Variants in RBFOX1 observed in about 807,000 individuals in gnomAD.
The protein encoded by RBFOX1 is RNA binding fox-1 homolog 1.
Under a neutral mutation model 57.7 loss-of-function variants are expected in RBFOX1, and 8 were observed. That is an observed-to-expected ratio of 0.14 (90% CI 0.08 to 0.25). The LOEUF is 0.25. Ranked by LOEUF, RBFOX1 falls within the 10% of genes least tolerant of loss-of-function variation. The pLI, the probability that RBFOX1 is intolerant of heterozygous loss-of-function variation, is 1.00. For synonymous variants in RBFOX1, 326 were observed against 222.4 expected, an observed-to-expected ratio of 1.47 and a Z score of -4.15; for missense variants, 611 against 548.5, an observed-to-expected ratio of 1.11 and a Z score of -1.14.
intron 2 of RBFOX1, among the ~76,000 whole-genome samples, chr16:5,543,078 C>T (rs1388749450): frequency 6.6e-6 from 1 of 152,060 alleles, no homozygotes; most frequent in Non-Finnish European, 1.5e-5. Flanking sequence ...GGCTCTAGTC[C>T]CAGCTGACAA....
At chr16:6,628,499 T>C (rs2154055080) in intron 2 of RBFOX1, among the ~76,000 whole-genome samples, 1 of 152,290 alleles carries the variant, frequency 6.6e-6, no homozygotes, top group Non-Finnish European at 1.5e-5. Context: ...CAATTCACAT[T>C]TTTATCATAT....
At chr16:6,115,963 A>G (rs1163267853) in intron 1 of RBFOX1, among the ~76,000 whole-genome samples, 1 of 152,250 alleles carries the variant, frequency 6.6e-6, no homozygotes, top group African/African-American at 2.4e-5. Context: ...ATAAAGACAC[A>G]TGCACATGTA....
chr16:6,479,603 A>C (rs1470870368), intron 2 of RBFOX1, among the ~76,000 whole-genome samples: 1 of 152,054 alleles, frequency 6.6e-6, no homozygotes, highest in Admixed American at 6.5e-5. Context: ...AGAAAAAGAA[A>C]AGAAAACCAT....
At chr16:6,025,336 A>G (rs761708268) in intron 1 of RBFOX1, among the ~76,000 whole-genome samples, 4 of 152,150 alleles carry the variant, frequency 2.6e-5, no homozygotes, top group Non-Finnish European at 5.9e-5. Flanking sequence ...TTACACTAAA[A>G]TCTTTCATTC....
At chr16:6,846,189 T>C (rs1017193491) in intron 3 of RBFOX1, among the ~76,000 whole-genome samples, 1 of 152,204 alleles carries the variant, frequency 6.6e-6, no homozygotes, top group East Asian at 1.9e-4. Flanking sequence ...AAATATTTGT[T>C]GAAGACTGAG....
intron 2 of RBFOX1, among the ~76,000 whole-genome samples, chr16:6,499,362 C>G (rs903113584): frequency 2.0e-5 from 3 of 150,886 alleles, no homozygotes; most frequent in Admixed American, 6.6e-5. Context: ...ATAGACACCA[C>G]AAACAGCCAT....
chr16:5,713,734 A>G (rs74006223), intron 3 of RBFOX1, among the ~76,000 whole-genome samples: 111 of 152,314 alleles, frequency 7.3e-4, no homozygotes, highest in African/African-American at 2.5e-3. Flanking sequence ...CCACAGCATC[A>G]CAGAGAGACT....
At chr16:7,240,438 C>T (rs996117177) in intron 4 of RBFOX1, among the ~76,000 whole-genome samples, 4 of 152,152 alleles carry the variant, frequency 2.6e-5, no homozygotes, top group Non-Finnish European at 5.9e-5. Flanking sequence ...GCATTTGATA[C>T]ATATAGTGTG....
In RBFOX1 at chr16:7,579,632, G is replaced by T. The variant is rs1025345441; in HGVS notation, c.271-145G>T. ...CTCAGAAAACACTTGCTGAATGAAT[G>T]CATGCATGCATGCGTCAGCATTTTC... On this transcript the variant is annotated intron_variant, in intron 5 of 15. Coordinates refer to ENST00000550418, the MANE Select transcript of RBFOX1 (RefSeq NM_018723.4). The T allele has an allele frequency of 4.5e-6, 4 of 888,832 alleles. No individual in the cohort carries two copies. The African/African-American group carries it at 5.0e-5, about 11-fold the overall frequency. 55.1% of individuals were successfully genotyped at this position (888,832 alleles called of 1,614,324 possible).
chr16:6,557,472 G>A (rs1385627894), intron 2 of RBFOX1, among the ~76,000 whole-genome samples: 1 of 152,110 alleles, frequency 6.6e-6, no homozygotes, highest in Non-Finnish European at 1.5e-5. Context: ...ATTGTCATCT[G>A]TCTTGTGATT....
intron 3 of RBFOX1, among the ~76,000 whole-genome samples, chr16:5,726,690 A>G (rs1387903973): frequency 3.3e-5 from 5 of 152,340 alleles, no homozygotes; most frequent in African/African-American, 1.2e-4. Flanking sequence ...TATTATTTGC[A>G]ATGCTAATAG....
chr16:7,686,530 G>A (rs72776901), intron 14 of RBFOX1, among the ~76,000 whole-genome samples: 1,584 of 152,078 alleles, frequency 0.01, 19 homozygotes, highest in East Asian at 0.028. Context: ...CCTCTTCTTT[G>A]GGTGGAGAGA....
intron 4 of RBFOX1, among the ~76,000 whole-genome samples, chr16:7,109,626 G>T (rs941151039): frequency 4.6e-5 from 7 of 152,126 alleles, no homozygotes; most frequent in African/African-American, 1.4e-4. Context: ...AGGGGAAAGG[G>T]CTCTAAGAGT....
chr16:6,462,864 T>C (rs988346441), intron 2 of RBFOX1, among the ~76,000 whole-genome samples: 2 of 152,244 alleles, frequency 1.3e-5, no homozygotes, highest in Non-Finnish European at 2.9e-5. Context: ...ATACACAAAA[T>C]CTTTCCTCTT....
chr16:5,421,477 C>G (rs548697131), intron 1 of RBFOX1, among the ~76,000 whole-genome samples: 53 of 152,224 alleles, frequency 3.5e-4, no homozygotes, highest in African/African-American at 1.1e-3. Context: ...TTTTCCAGTT[C>G]CAGTAGAGAG....
At chr16:6,953,450 G>A (rs2081167349) in intron 3 of RBFOX1, among the ~76,000 whole-genome samples, 1 of 151,962 alleles carries the variant, frequency 6.6e-6, no homozygotes, top group African/African-American at 2.4e-5. Context: ...CAGTGGTGCA[G>A]TCTCAGCTCA....
intron 3 of RBFOX1, among the ~76,000 whole-genome samples, chr16:6,762,090 C>T (rs1193761561): frequency 6.6e-6 from 1 of 152,274 alleles, no homozygotes; most frequent in Admixed American, 6.5e-5. Flanking sequence ...GTTCTATCTT[C>T]TGCTAGTTGA....
intron 4 of RBFOX1, among the ~76,000 whole-genome samples, chr16:7,312,560 C>T (rs1023504150): frequency 6.6e-6 from 1 of 152,200 alleles, no homozygotes; most frequent in African/African-American, 2.4e-5. Flanking sequence ...TCCGGGTCTT[C>T]TTGGTTCCAC....
intron 4 of RBFOX1, among the ~76,000 whole-genome samples, chr16:7,196,175 G>A (rs1037061499): frequency 5.5e-4 from 84 of 152,240 alleles, no homozygotes; most frequent in African/African-American, 2.0e-3. Flanking sequence ...TAATTTTGAA[G>A]TATAAATAAT....
Sources: allele counts gnomAD v4.1 joint callset (sites outside exome capture counted in the v4.1 genomes callset), GRCh38; gene constraint gnomAD v4.1.1; transcripts MANE v1.5; gene names NCBI Gene and HGNC (gene_info 2026-07-23, HGNC 2026-07-21).